PCDH15: variants seen among roughly 807,000 people sequenced by gnomAD.
PCDH15 encodes protocadherin related 15.
A neutral mutation model predicts 178.5 loss-of-function variants in PCDH15; 129 were observed. That is an observed-to-expected ratio of 0.72 (90% CI 0.63 to 0.84). PCDH15 has a LOEUF of 0.84. PCDH15 is among the 40% of genes least tolerant of loss of function. The probability of loss-of-function intolerance (pLI) is 0.00; values close to 1 mark genes in which losing one functional copy is unlikely to be tolerated. For synonymous variants in PCDH15, 800 were observed against 732.0 expected, an observed-to-expected ratio of 1.09 and a Z score of -1.50; for missense variants, 2,230 against 2,099.9, an observed-to-expected ratio of 1.06 and a Z score of -1.21.
chr10:54,482,404 C>T (rs2078783244), intron 3 of PCDH15, among the ~76,000 whole-genome samples: 1 of 151,638 alleles, frequency 6.6e-6, no homozygotes, highest in African/African-American at 2.4e-5. Flanking sequence ...AGATTGATAT[C>T]CCAATTAAAT....
chr10:54,734,147 G>T (rs552769151), intron 1 of PCDH15, among the ~76,000 whole-genome samples: 5 of 151,678 alleles, frequency 3.3e-5, no homozygotes, highest in Non-Finnish European at 7.4e-5. Context: ...TCAAAGATTA[G>T]AAAAAATATG....
intron 2 of PCDH15, among the ~76,000 whole-genome samples, chr10:54,931,796 T>C (rs966985876): frequency 6.6e-6 from 1 of 152,198 alleles, no homozygotes; most frequent in Non-Finnish European, 1.5e-5. Flanking sequence ...TCTAGTGTTT[T>C]GTAGTTTCAG....
intron 8 of PCDH15, among the ~76,000 whole-genome samples, chr10:54,243,523 G>C (rs1591383934): frequency 6.6e-6 from 1 of 152,028 alleles, no homozygotes; most frequent in Admixed American, 6.6e-5. Flanking sequence ...AAAAGTTAGT[G>C]AACATTATTA....
Position 55,540,690 on chromosome 10 carries a change from TCCA to T in PCDH15, c.-156+86932_-156+86934del, listed in dbSNP as rs1275900700. Among the ~76,000 whole-genome samples, 4 of 152,138 alleles carry T rather than the reference TCCA, an allele frequency of 2.6e-5. No homozygotes were observed. In the East Asian group the frequency reaches 7.7e-4, roughly 29 times the overall value. On this transcript the variant is annotated intron_variant, in intron 2 of 5. Coordinates refer to the PCDH15 transcript ENST00000613346. ...GACAGGCTTTCCTCGAATAACTAAATCCACAATTTTATTTCATAGATCAAAATC... is the reference window on the plus strand; with the variant it reads ...GACAGGCTTTCCTCGAATAACTAAATCAATTTTATTTCATAGATCAAAATC...
chr10:54,409,322 G>T (rs949375542), intron 3 of PCDH15, among the ~76,000 whole-genome samples: 1 of 152,146 alleles, frequency 6.6e-6, no homozygotes, highest in African/African-American at 2.4e-5. Flanking sequence ...GGTCAAAACA[G>T]AATCTATTTC....
chr10:54,446,116 T>C (rs2076128388), intron 3 of PCDH15, among the ~76,000 whole-genome samples: 1 of 151,594 alleles, frequency 6.6e-6, no homozygotes, highest in African/African-American at 2.4e-5. Context: ...CTGATTCTTC[T>C]TAGGCCCAGC....
At chr10:54,500,596 G>T (rs1372066876) in intron 3 of PCDH15, among the ~76,000 whole-genome samples, 1 of 152,112 alleles carries the variant, frequency 6.6e-6, no homozygotes, top group East Asian at 1.9e-4. Context: ...TTGGGAGGCT[G>T]AGGTGAGCAG....
intron 2 of PCDH15, among the ~76,000 whole-genome samples, chr10:55,123,094 A>T (rs1360934576): frequency 6.6e-6 from 1 of 152,032 alleles, no homozygotes; most frequent in Non-Finnish European, 1.5e-5. Context: ...TAAACAAATA[A>T]GTTTCAATTT....
chr10:54,250,290 T>G (rs1338637377), intron 8 of PCDH15, among the ~76,000 whole-genome samples: 1 of 141,186 alleles, frequency 7.1e-6, no homozygotes, highest in South Asian at 2.2e-4. Flanking sequence ...TTTTTTTTTT[T>G]TGGAGACAGA....
At chr10:55,484,837 A>G (rs1840263500) in intron 2 of PCDH15, among the ~76,000 whole-genome samples, 1 of 151,756 alleles carries the variant, frequency 6.6e-6, no homozygotes. Flanking sequence ...GCCACAGGCA[A>G]AAGAATAAAA....
chr10:55,569,243 T>C (rs542980553), intron 2 of PCDH15, among the ~76,000 whole-genome samples: 2 of 152,146 alleles, frequency 1.3e-5, no homozygotes, highest in South Asian at 4.1e-4. Flanking sequence ...CATGAAGATA[T>C]TAAAATTACC....
intron 1 of PCDH15, among the ~76,000 whole-genome samples, chr10:55,236,559 TA>T (rs1450307371): frequency 6.6e-6 from 1 of 152,098 alleles, no homozygotes; most frequent in African/African-American, 2.4e-5. Context: ...GAAATGCCCA[TA>T]TTGCTAATCA....
intron 3 of PCDH15, among the ~76,000 whole-genome samples, chr10:54,876,446 T>C (rs1954145283): frequency 6.6e-6 from 1 of 152,088 alleles, no homozygotes; most frequent in South Asian, 2.1e-4. Context: ...CTGCCATAGA[T>C]AGTGATTCTT....
At chr10:54,324,659 C>T (rs1220104729) in intron 7 of PCDH15, among the ~76,000 whole-genome samples, 2 of 151,976 alleles carry the variant, frequency 1.3e-5, no homozygotes, top group Admixed American at 6.6e-5. Flanking sequence ...ACCAACTACT[C>T]GGGAGGCTGA....
chr10:54,862,445 GA>G (rs1202571086), intron 3 of PCDH15, among the ~76,000 whole-genome samples: 1 of 152,152 alleles, frequency 6.6e-6, no homozygotes, highest in African/African-American at 2.4e-5. Context: ...TTTTAGCTGA[GA>G]AGGTGTGAAT....
intron 2 of PCDH15, among the ~76,000 whole-genome samples, chr10:54,624,791 C>A (rs976549359): frequency 6.6e-6 from 1 of 152,124 alleles, no homozygotes; most frequent in African/African-American, 2.4e-5. Context: ...GTGAACTGTG[C>A]ATATGAGGGG....
intron 26 of PCDH15, among the ~76,000 whole-genome samples, chr10:53,889,423 A>G (rs1638821839): frequency 6.6e-6 from 1 of 152,122 alleles, no homozygotes; most frequent in African/African-American, 2.4e-5. Context: ...TAGTCGCCAC[A>G]TAAAGAGGAT....
chr10:54,094,936 C>A (rs2094673119), intron 15 of PCDH15, among the ~76,000 whole-genome samples: 1 of 151,990 alleles, frequency 6.6e-6, no homozygotes, highest in Non-Finnish European at 1.5e-5. Flanking sequence ...TAGACACTGG[C>A]AAATGGAAAA....
chr10:54,299,177 G>A (rs961934627), intron 8 of PCDH15, among the ~76,000 whole-genome samples: 4 of 151,972 alleles, frequency 2.6e-5, no homozygotes, highest in South Asian at 2.1e-4. Flanking sequence ...CAGAGAAAGA[G>A]GAAGAAACAG....
Sources: gnomAD v4.1 joint callset for allele counts (sites outside exome capture counted in the v4.1 genomes callset) on GRCh38, gnomAD v4.1.1 for gene constraint, MANE v1.5 for transcripts, NCBI Gene and HGNC (gene_info 2026-07-23, HGNC 2026-07-21) for gene names.